ACOX2: variants seen among roughly 807,000 people sequenced by gnomAD.
ACOX2 encodes acyl-CoA oxidase 2.
A neutral mutation model predicts 77.5 loss-of-function variants in ACOX2; 59 were observed. The observed-to-expected ratio is 0.76, with a 90% CI of 0.62 to 0.95. The LOEUF (loss-of-function observed/expected upper bound fraction) is 0.95, where lower values mean the gene tolerates loss of function less well. ACOX2 is among the 40% of genes least tolerant of loss of function. The pLI, the probability that ACOX2 is intolerant of heterozygous loss-of-function variation, is 0.00. For missense variants in ACOX2, 837 were observed against 880.4 expected, an observed-to-expected ratio of 0.95 and a Z score of 0.62; for synonymous variants, 317 against 340.1, an observed-to-expected ratio of 0.93 and a Z score of 0.75.
In ACOX2 at chr3:58,531,675, G is replaced by A. The variant is rs915136198; in HGVS notation, c.703+18C>T. On this transcript the variant is annotated intron_variant, in intron 6 of 14. Transcript: ENST00000302819. The surrounding 1 kb of genome is among the most constrained non-coding windows in gnomAD (Gnocchi z 5.8). ...TCTCCTCCTGGCAGGGTTCCTTGAG[G>A]GAGCATTATGGGCTTACCTGGCAGT... 6.2e-7 allele frequency: 1 copy of A among 1,612,502 alleles called. No individual in the cohort carries two copies. The highest frequency in any genetic ancestry group is 2.2e-5 in the East Asian group (1 of 44,870).
In ACOX2 at chr3:58,524,570, G is replaced by A. The variant is rs942319705; in HGVS notation, c.1382C>T (p.Ser461Phe). 1.9e-6 allele frequency: 3 copies of A among 1,614,080 alleles called. No individual in the cohort carries two copies. Among genetic ancestry groups the A allele is most frequent in the Non-Finnish European group, 2.5e-6 (3 of 1,180,054 alleles). The change falls in exon 11 of 15, where the codon TCC becomes TTC. Residue 461 changes from serine to phenylalanine, a missense_variant. Physicochemically the swap from Ser to Phe is radical, Grantham distance 155. Coordinates refer to ENST00000302819, the MANE Select transcript of ACOX2 (RefSeq NM_003500.4). This position sits in a 1 kb window ranked among gnomAD's most constrained non-coding sequence, Gnocchi z 5.5. The part of the protein sequence containing the change: ...LVKSYLQTQM[S>F]PGSTPQRSLS... The stretch of plus-strand genomic sequence containing the variant: ...AGATCTCTGTGGCGTGGAGCCAGGG[G>A]ACATCTGAGTCTGCAGGTAGCTCTT...
In ACOX2 at chr3:58,531,441, TC is replaced by T; in HGVS notation, c.704-76del. 1 of 1,397,118 alleles carries T rather than the reference TC, an allele frequency of 7.2e-7. No individual in the cohort carries two copies. The highest frequency in any genetic ancestry group is 1.4e-5 in the African/African-American group (1 of 70,570). 86.5% of individuals were successfully genotyped at this position (1,397,118 alleles called of 1,614,324 possible). Reference sequence around the variant, plus strand: ...TATGTGGCAGGTATCATACACACATTCCAGGTCACAGCAGCCTGTGACACTG... The same window carrying T: ...TATGTGGCAGGTATCATACACACATTCAGGTCACAGCAGCCTGTGACACTG... On this transcript the variant is annotated intron_variant, in intron 6 of 14. Coordinates refer to ENST00000302819, the MANE Select transcript of ACOX2 (RefSeq NM_003500.4). This position sits in a 1 kb window ranked among gnomAD's most constrained non-coding sequence, Gnocchi z 5.8.
At position 58,534,874 on chromosome 3, in the gene ACOX2, C is replaced by T. The variant is rs2063469517; in HGVS notation, c.160+73G>A. On this transcript the variant is annotated intron_variant, in intron 2 of 14. Coordinates refer to ENST00000302819, the MANE Select transcript of ACOX2 (RefSeq NM_003500.4). The surrounding 1 kb of genome is among the most constrained non-coding windows in gnomAD (Gnocchi z 4.8). ...AGTTTGTTATTTGGAAGCAGAACTG[C>T]TAATGAAGGACTCTTCTTACAAGAG... is the stretch of plus-strand genomic sequence containing the variant. 1.9e-6 allele frequency: 3 copies of T among 1,596,164 alleles called. No individual in the cohort carries two copies. The highest frequency in any genetic ancestry group is 2.2e-5 in the East Asian group (1 of 44,668).
At chr3:58,537,002 G>T (rs1365143362) in intron 1 of ACOX2, 117 bp downstream of exon 1, 2 of 152,388 alleles carry the variant, frequency 1.3e-5, no homozygotes, top group African/African-American at 4.8e-5. Context: ...TTTGCAGGAG[G>T]TGCCCAGTGA....
At position 58,508,903 on chromosome 3, in the gene ACOX2, G is replaced by A. The variant is rs1166053073; in HGVS notation, c.1973C>T (p.Thr658Ile). Residue 658 changes from threonine to isoleucine, a missense_variant, in exon 14 of 15, where the codon ACC becomes ATC. Physicochemically the swap from Thr to Ile is moderately conservative, Grantham distance 89. Transcript: ENST00000302819. ...GTTCCACTCAACTACCTGAGTATTG[G>A]TTGGTGACTTCTGAGCCCACTGGAA... ...RLFQWAQKSPTNTQENPAYEE... is the reference protein window; with the variant it reads ...RLFQWAQKSPINTQENPAYEE... The A allele has an allele frequency of 6.2e-7, 1 of 1,614,170 alleles. No individual in the cohort carries two copies. The highest frequency in any genetic ancestry group is 8.5e-7 in the Non-Finnish European group (1 of 1,180,018).
intron 8 of ACOX2, among the ~76,000 whole-genome samples, chr3:58,530,045 C>T (rs1479983278): frequency 6.6e-6 from 1 of 152,238 alleles, no homozygotes; most frequent in African/African-American, 2.4e-5. Flanking sequence ...TTTTGCTAGG[C>T]TCGGCCTGAC....
Position 58,523,701 on chromosome 3 carries a change from G to A in ACOX2, c.1526+725C>T, listed in dbSNP as rs575482325. Among the ~76,000 whole-genome samples, 20 of 152,048 alleles carry A rather than the reference G, an allele frequency of 1.3e-4. No homozygotes were observed. Among genetic ancestry groups the A allele is most frequent in the African/African-American group, 4.6e-4 (19 of 41,488 alleles). ...TGAGCTCAAGCAATCCGCCCACCTC[G>A]ACCTCCCAAAGTGCTGGAATTACTG... On this transcript the variant is annotated intron_variant, in intron 11 of 14. Coordinates refer to ENST00000302819, the MANE Select transcript of ACOX2 (RefSeq NM_003500.4). This position sits in a 1 kb window ranked among gnomAD's most constrained non-coding sequence, Gnocchi z 5.3.
At chr3:58,527,937 G>A (rs953119647) in intron 9 of ACOX2, among the ~76,000 whole-genome samples, 1 of 151,700 alleles carries the variant, frequency 6.6e-6, no homozygotes, top group Admixed American at 6.6e-5. Flanking sequence ...GAACTCCTGG[G>A]CTCAAGCAAT....
chr3:58,535,785 C>G lies in ACOX2; in HGVS notation c.-91-588G>C, dbSNP rs2063477202. Among the ~76,000 whole-genome samples, 2 of 152,302 alleles carry G rather than the reference C, an allele frequency of 1.3e-5. No homozygotes were observed. Among genetic ancestry groups the G allele is most frequent in the Middle Eastern group, 3.4e-3 (1 of 294 alleles). On this transcript the variant is annotated intron_variant, in intron 1 of 14. Transcript: ENST00000302819. This position sits in a 1 kb window ranked among gnomAD's most constrained non-coding sequence, Gnocchi z 4.8. ...GGAGCCCCTGAGTGTCTTTCATACC[C>G]AGGTTGGACCCTGTCTCCTTCATGG...
Position 58,535,086 on chromosome 3 carries a change from T to G in ACOX2, c.21A>C (p.Arg7=). 6.2e-7 allele frequency: 1 copy of G among 1,614,170 alleles called. No homozygotes were observed. Among genetic ancestry groups the G allele is most frequent in the Non-Finnish European group, 8.5e-7 (1 of 1,180,036 alleles). Residue 7 remains arginine, a synonymous_variant, in exon 2 of 15, where the codon CGA becomes CGC. Coordinates refer to ENST00000302819, the MANE Select transcript of ACOX2 (RefSeq NM_003500.4). The surrounding 1 kb of genome is among the most constrained non-coding windows in gnomAD (Gnocchi z 4.8). ...TGCTCCAGGTATCCCCCAATGACAC[T>G]CGGTGCACTGGGCTGCCCATCCTAT... is the stretch of plus-strand genomic sequence containing the variant. MGSPVH[R]VSLGDTWSRQ... is the part of the protein sequence containing the mutation.
chr3:58,533,359 G>C lies in ACOX2; in HGVS notation c.583+86C>G. 1 of 1,232,414 alleles carries C rather than the reference G, an allele frequency of 8.1e-7. No individual in the cohort carries two copies. Among genetic ancestry groups the C allele is most frequent in the African/African-American group, 1.5e-5 (1 of 66,942 alleles). 76.3% of individuals were successfully genotyped at this position (1,232,414 alleles called of 1,614,324 possible). A position where few individuals can be genotyped will look rare whatever the true frequency, so the allele number is the denominator to read the frequency against. The stretch of plus-strand genomic sequence containing the variant: ...AGAACAGAAAATCAATCTGAGGTCT[G>C]TTGGACCTCAAAGCCAGTGCTACTC... On this transcript the variant is annotated intron_variant, in intron 5 of 14. Coordinates refer to ENST00000302819, the MANE Select transcript of ACOX2 (RefSeq NM_003500.4). The surrounding 1 kb of genome is among the most constrained non-coding windows in gnomAD (Gnocchi z 5.6).
rs2063440075 is a variant in ACOX2 at position 58,531,605 on chromosome 3, C to G, written c.703+88G>C. ...GCCCAAGGGAGACATGTCTTAGCTA[C>G]TCCTGTGGCCCTCTGGGGCCCCAGG... On this transcript the variant is annotated intron_variant, in intron 6 of 14. Coordinates refer to ENST00000302819, the MANE Select transcript of ACOX2 (RefSeq NM_003500.4). This position sits in a 1 kb window ranked among gnomAD's most constrained non-coding sequence, Gnocchi z 5.8. 6.5e-7 allele frequency: 1 copy of G among 1,546,464 alleles called. No homozygotes were observed. The highest frequency in any genetic ancestry group is 1.4e-5 in the African/African-American group (1 of 72,926).
In ACOX2 at chr3:58,535,202, G is replaced by A. The variant is rs2063473214; in HGVS notation, c.-91-5C>T. 3.3e-6 allele frequency: 5 copies of A among 1,508,584 alleles called. No individual in the cohort carries two copies. In the African/African-American group the frequency reaches 6.8e-5, roughly 21 times the overall value. 93.4% of individuals were successfully genotyped at this position (1,508,584 alleles called of 1,614,324 possible). ...GCATTGGTCAGTGCAAAGAACCTGT[G>A]TGCAAGAGGAACTGCCTAGGGCTGG... On this transcript the variant is annotated splice_region_variant and splice_polypyrimidine_tract_variant and intron_variant, in intron 1 of 14. Transcript: ENST00000302819. The surrounding 1 kb of genome is among the most constrained non-coding windows in gnomAD (Gnocchi z 4.8).
chr3:58,533,944 G>T lies in ACOX2; in HGVS notation c.475+50C>A. On this transcript the variant is annotated intron_variant, in intron 4 of 14. Coordinates refer to ENST00000302819, the MANE Select transcript of ACOX2 (RefSeq NM_003500.4). The surrounding 1 kb of genome is among the most constrained non-coding windows in gnomAD (Gnocchi z 5.6). The stretch of plus-strand genomic sequence containing the variant: ...TACCTAGATGTAAATGGGCCCTCTG[G>T]AGTTTTGCAGTGCACAACCTAAACA... 6.2e-7 allele frequency: 1 copy of T among 1,603,704 alleles called. No homozygotes were observed. The highest frequency in any genetic ancestry group is 8.5e-7 in the Non-Finnish European group (1 of 1,173,078).
chr3:58,516,247 A>C (rs2063321266), intron 13 of ACOX2, among the ~76,000 whole-genome samples: 1 of 152,212 alleles, frequency 6.6e-6, no homozygotes, highest in African/African-American at 2.4e-5. Flanking sequence ...AGTTTACTAA[A>C]CTTGGTAAGA....
At chr3:58,507,256 A>G (rs2063241459) in intron 14 of ACOX2, among the ~76,000 whole-genome samples, 1 of 152,148 alleles carries the variant, frequency 6.6e-6, no homozygotes, top group African/African-American at 2.4e-5. Flanking sequence ...CTACTCTGTG[A>G]TAGATCTTGG....
At chr3:58,527,536 G>GAAAAAAAGAAAAA (rs2063405039) in intron 9 of ACOX2, among the ~76,000 whole-genome samples, 1 of 107,754 alleles carries the variant, frequency 9.3e-6, no homozygotes, top group African/African-American at 4.6e-5. Flanking sequence ...ACTGTCTCAG[G>GAAAAAAAGAAAAA]AAAAAAAAAA....
In ACOX2 at chr3:58,534,004, C is replaced by T. The variant is rs764415574; in HGVS notation, c.465G>A (p.Glu155=). 4 of 1,614,184 alleles carry T rather than the reference C, an allele frequency of 2.5e-6. No individual in the cohort carries two copies. The Admixed American group carries it at 6.7e-5, about 27-fold the overall frequency. The change falls in exon 4 of 15, where the codon GAG becomes GAA. Residue 155 remains glutamate, a synonymous_variant. Coordinates refer to ENST00000302819, the MANE Select transcript of ACOX2 (RefSeq NM_003500.4). The surrounding 1 kb of genome is among the most constrained non-coding windows in gnomAD (Gnocchi z 4.8). ...GCAGTCCTAGCTCACCATGTCCCAA[C>T]TCTGTCTGTGCATACGTTGCGATGA... ...IQIIATYAQT[E]LGHGTYLQGL...
chr3:58,536,675 A>T (rs4234391), intron 1 of ACOX2, among the ~76,000 whole-genome samples: 142,565 of 152,128 alleles, frequency 0.94, 67,149 homozygotes, highest in East Asian at 1. Flanking sequence ...CACTGCCAGC[A>T]TTTGCTAGGG....
Sources: allele counts gnomAD v4.1 joint callset (sites outside exome capture counted in the v4.1 genomes callset), GRCh38; gene constraint gnomAD v4.1.1; non-coding constraint Gnocchi (gnomAD v3.1); transcripts MANE v1.5; gene names NCBI Gene and HGNC (gene_info 2026-07-23, HGNC 2026-07-21).